Variants in VRK2 observed in about 807,000 individuals in gnomAD.
VRK2 encodes serine/threonine-protein kinase VRK2.
A neutral mutation model predicts 57.6 loss-of-function variants in VRK2; 60 were observed. That is an observed-to-expected ratio of 1.04 (90% confidence interval 0.85 to 1.29). The LOEUF (loss-of-function observed/expected upper bound fraction) is 1.29, where lower values mean the gene tolerates loss of function less well. VRK2 is among the 50% of genes most tolerant of loss of function. The pLI is 0.00. For synonymous variants in VRK2, 231 were observed against 199.2 expected (o/e 1.16, Z -1.35); for missense variants, 705 against 588.1 (o/e 1.20, Z -2.06).
intron 1 of VRK2, among the ~76,000 whole-genome samples, chr2:57,911,431 A>G (rs1374763467): frequency 1.3e-5 from 2 of 152,216 alleles, no homozygotes; most frequent in Non-Finnish European, 2.9e-5. Context: ...TAGATAACAC[A>G]GACAGTGCTG....
At chr2:58,129,589 A>C (rs979295321) in intron 8 of VRK2, among the ~76,000 whole-genome samples, 1 of 152,234 alleles carries the variant, frequency 6.6e-6, no homozygotes, top group Admixed American at 6.5e-5. Context: ...CTATACATGC[A>C]TACATAGATT....
intron 1 of VRK2, among the ~76,000 whole-genome samples, chr2:57,917,886 A>G (rs1398726393): frequency 6.6e-6 from 1 of 152,090 alleles, no homozygotes; most frequent in Non-Finnish European, 1.5e-5. Context: ...ATGAAAAATA[A>G]TCTTGTTATT....
chr2:58,094,770 T>C (rs1223396125), intron 7 of VRK2, among the ~76,000 whole-genome samples: 1 of 152,230 alleles, frequency 6.6e-6, no homozygotes, highest in Non-Finnish European at 1.5e-5. Context: ...TTTTGTCATA[T>C]ACTCAGTTTC....
intron 11 of VRK2, among the ~76,000 whole-genome samples, chr2:58,141,591 A>G (rs1404156739): frequency 1.3e-5 from 2 of 151,956 alleles, no homozygotes; most frequent in Non-Finnish European, 2.9e-5. Flanking sequence ...CAGTAAGATG[A>G]TTTGGGGATA....
intron 1 of VRK2, among the ~76,000 whole-genome samples, chr2:57,917,094 T>C (rs1670182705): frequency 6.6e-6 from 1 of 152,182 alleles, no homozygotes; most frequent in African/African-American, 2.4e-5. Flanking sequence ...CCCTAAAATT[T>C]GCTAAAATTT....
chr2:57,953,597 C>T (rs751402747), intron 1 of VRK2, among the ~76,000 whole-genome samples: 49 of 152,270 alleles, frequency 3.2e-4, no homozygotes, highest in Admixed American at 8.5e-4. Context: ...CTGTATTCAT[C>T]TTTTACATAC....
chr2:58,008,084 A>G (rs1032821376), intron 1 of VRK2, among the ~76,000 whole-genome samples: 2 of 152,166 alleles, frequency 1.3e-5, no homozygotes, highest in Non-Finnish European at 2.9e-5. Context: ...TTAAAGAACT[A>G]TAAGTTGTAA....
intron 1 of VRK2, among the ~76,000 whole-genome samples, chr2:57,914,015 T>C (rs1167272120): frequency 6.6e-6 from 1 of 152,036 alleles, no homozygotes; most frequent in African/African-American, 2.4e-5. Context: ...ACAAAATTGC[T>C]TAATACATTA....
intron 7 of VRK2, 31 bp from the exon 8 acceptor site, chr2:58,123,070 C>T (rs201396333): frequency 8.4e-5 from 133 of 1,582,624 alleles, no homozygotes; most frequent in Non-Finnish European, 1.0e-4. Context: ...AGGACAAAGG[C>T]ATTATTCATT....
Position 57,970,505 on chromosome 2 carries a change from AC to A in VRK2, c.-438-55159del, listed in dbSNP as rs1361957185. Among the ~76,000 whole-genome samples the A allele has an allele frequency of 2.6e-5, 4 of 151,680 alleles. No homozygotes were observed. In the East Asian group the frequency reaches 7.7e-4, roughly 29 times the overall value. The stretch of plus-strand genomic sequence containing the variant: ...ATTTTTCTTAGCACATAGAGAAAAT[AC>A]AAAGAAAACAAAAATCTAGCATAGA... On this transcript the variant is annotated intron_variant, in intron 1 of 15. Transcript: ENST00000417641.
rs553496866 is a variant in VRK2, at chr2:58,067,891, TTTTTCTTTTC to T, written c.137-16179_137-16170del. ...AACTTTTCTTTTTCCTCAATATCTT[TTTTTCTTTTC>T]TTTTCTTTTCTTTTCTTTCTTTTTT... On this transcript the variant is annotated intron_variant, in intron 2 of 12. Coordinates refer to ENST00000340157, the MANE Select transcript of VRK2 (RefSeq NM_006296.7). Among the ~76,000 whole-genome samples, 644 of 151,978 alleles carry T rather than the reference TTTTTCTTTTC, an allele frequency of 4.2e-3. 5 individuals are homozygous for T. The highest frequency in any genetic ancestry group is 0.024 in the Middle Eastern group (7 of 294).
In VRK2 at chr2:58,113,300, G is replaced by A. The variant is rs371579776; in HGVS notation, c.544-9801G>A. ...CCACTCCTACCTGGGCAACAGGAGC[G>A]AAACTCCGTCTCAAAAAAAAAAAAA... On this transcript the variant is annotated intron_variant, in intron 7 of 12. Coordinates refer to ENST00000340157, the MANE Select transcript of VRK2 (RefSeq NM_006296.7). Among the ~76,000 whole-genome samples, 48 of 136,846 alleles carry A rather than the reference G, an allele frequency of 3.5e-4. No homozygotes were observed. The South Asian group carries it at 9.1e-3, about 26-fold the overall frequency. The allele number at this position is 136,846 out of a possible 152,430, so 89.8% of individuals were successfully genotyped here.
intron 1 of VRK2, among the ~76,000 whole-genome samples, chr2:57,942,714 A>T (rs776044751): frequency 2.0e-5 from 3 of 152,164 alleles, no homozygotes; most frequent in Non-Finnish European, 4.4e-5. Flanking sequence ...TTATGACACA[A>T]ATGTCTAAAT....
At chr2:57,907,769 A>C (rs1336362789) in exon 1 of VRK2, 1 of 152,190 alleles carries the variant, frequency 6.6e-6, no homozygotes, top group Non-Finnish European at 1.5e-5. Flanking sequence ...GACTCTATCC[A>C]TATTCTTCTC....
At chr2:58,044,515 T>C (rs972745924), upstream of VRK2, among the ~76,000 whole-genome samples, 11 of 152,194 alleles carry the variant, frequency 7.2e-5, no homozygotes, top group African/African-American at 2.2e-4. Flanking sequence ...CTGAAAAAGA[T>C]TGTCTTTTGT....
chr2:57,957,311 AC>A (rs1441447875), intron 1 of VRK2, among the ~76,000 whole-genome samples: 1 of 152,096 alleles, frequency 6.6e-6, no homozygotes, highest in Non-Finnish European at 1.5e-5. Context: ...ATAAATAAGT[AC>A]CACGTAGCTC....
chr2:58,082,599 C>T (rs754237241), intron 2 of VRK2, among the ~76,000 whole-genome samples: 13 of 151,058 alleles, frequency 8.6e-5, no homozygotes, highest in Admixed American at 3.3e-4. Context: ...AGACTGGACT[C>T]TGTCCCCTGT....
chr2:57,958,840 A>C (rs1461351171), intron 1 of VRK2, among the ~76,000 whole-genome samples: 1 of 152,182 alleles, frequency 6.6e-6, no homozygotes, highest in Non-Finnish European at 1.5e-5. Context: ...ACTGATATTT[A>C]TTACTGGGGA....
intron 7 of VRK2, among the ~76,000 whole-genome samples, chr2:58,115,495 C>T (rs919726416): frequency 2.0e-4 from 30 of 152,136 alleles, no homozygotes; most frequent in Middle Eastern, 3.2e-3. Context: ...ATTAAAGCAG[C>T]GGCAGCCGCT....
Sources: gnomAD v4.1 joint callset for allele counts (sites outside exome capture counted in the v4.1 genomes callset) on GRCh38, gnomAD v4.1.1 for gene constraint, MANE v1.5 for transcripts, NCBI Gene and HGNC (gene_info 2026-07-23, HGNC 2026-07-21) for gene names.